Variants in FLI1 observed in about 807,000 individuals in gnomAD.
FLI1 encodes Fli-1 proto-oncogene, ETS transcription factor, also known as Friend leukemia integration 1 transcription factor.
A neutral mutation model predicts 53.1 loss-of-function variants in FLI1; 13 were observed. The observed-to-expected ratio is 0.24, with a 90% CI of 0.16 to 0.39. The LOEUF is 0.39. Among genes scored for constraint, FLI1 ranks in the 10% least tolerant of loss-of-function variants. The probability of loss-of-function intolerance (pLI) is 1.00; values close to 1 mark genes in which losing one functional copy is unlikely to be tolerated. For missense variants in FLI1, 424 were observed against 600.5 expected, an observed-to-expected ratio of 0.71 and a Z score of 3.07; for synonymous variants, 244 against 236.7, an observed-to-expected ratio of 1.03 and a Z score of -0.28.
intron 1 of FLI1, among the ~76,000 whole-genome samples, chr11:128,750,075 T>C (rs553158338): frequency 2.0e-5 from 3 of 152,234 alleles, no homozygotes; most frequent in Admixed American, 6.5e-5. Context: ...TTCGTGTCAT[T>C]ATGCAAATAA....
chr11:128,686,262 C>T (rs761015574), upstream of FLI1: 1 of 447,634 alleles, frequency 2.2e-6, no homozygotes, highest in South Asian at 1.6e-5. Context: ...CAACACGCAC[C>T]AAGAACTAGA....
intron 5 of FLI1, among the ~76,000 whole-genome samples, chr11:128,786,565 A>G (rs1942089104): frequency 6.6e-6 from 1 of 152,194 alleles, no homozygotes; most frequent in South Asian, 2.1e-4. Context: ...AGTGTGTAAG[A>G]GTCCTGGAGC....
At chr11:128,750,888 ATTC>A (rs1940615871) in intron 1 of FLI1, among the ~76,000 whole-genome samples, 2 of 152,260 alleles carry the variant, frequency 1.3e-5, no homozygotes, top group African/African-American at 4.8e-5. Context: ...TACCCACGCC[ATTC>A]TTCTGATATT....
intron 1 of FLI1, among the ~76,000 whole-genome samples, chr11:128,695,273 C>T (rs944317520): frequency 2.0e-5 from 3 of 152,252 alleles, no homozygotes; most frequent in East Asian, 1.9e-4. Flanking sequence ...TGAAAGGGTT[C>T]GCCAAGTAGG....
chr11:128,751,062 G>C (rs1210780383), intron 1 of FLI1, among the ~76,000 whole-genome samples: 7 of 152,148 alleles, frequency 4.6e-5, no homozygotes, highest in African/African-American at 1.7e-4. Flanking sequence ...TCAGAAACCA[G>C]AGACAGGCAG....
At chr11:128,687,206 T>C (rs528246878) in intron 1 of FLI1, among the ~76,000 whole-genome samples, 1 of 152,160 alleles carries the variant, frequency 6.6e-6, no homozygotes, top group East Asian at 1.9e-4. Context: ...CCACCTTCTT[T>C]GGCCCCGCCC....
At chr11:128,803,184 C>T (rs1942681232) in intron 5 of FLI1, among the ~76,000 whole-genome samples, 1 of 152,142 alleles carries the variant, frequency 6.6e-6, no homozygotes, top group Non-Finnish European at 1.5e-5. Context: ...ACTTTCTGTT[C>T]TGCTCCCACT....
intron 5 of FLI1, among the ~76,000 whole-genome samples, chr11:128,795,906 A>T (rs1410938228): frequency 6.6e-6 from 1 of 152,214 alleles, no homozygotes. Context: ...CCCTGTGAGG[A>T]TCCAGTGTGC....
At chr11:128,739,197 G>C (rs61907859) in intron 1 of FLI1, among the ~76,000 whole-genome samples, 1,657 of 152,304 alleles carry the variant, frequency 0.011, 16 homozygotes, top group South Asian at 0.038. Context: ...TCAGCTGCAG[G>C]TGTGGCCCAA....
At chr11:128,798,244 T>A (rs1007276778) in intron 5 of FLI1, among the ~76,000 whole-genome samples, 4 of 152,176 alleles carry the variant, frequency 2.6e-5, no homozygotes, top group Non-Finnish European at 5.9e-5. Context: ...ACCCAGTTAA[T>A]CTAGTCAGTA....
rs921490790 is a variant in FLI1, at chr11:128,772,680, G to A, written c.386-102G>A. 6 of 886,562 alleles carry A rather than the reference G, an allele frequency of 6.8e-6. No homozygotes were observed. In the African/African-American group the frequency reaches 9.9e-5, roughly 15 times the overall value. The allele number at this position is 886,562 out of a possible 1,614,324, so 54.9% of individuals were successfully genotyped here. On this transcript the variant is annotated intron_variant, in intron 3 of 8. Coordinates refer to ENST00000527786, the MANE Select transcript of FLI1 (RefSeq NM_002017.5). ...AAGGGAGCTCTCCCAGAGAGAAAGA[G>A]AAGGGAAAGAAAGAGGGACAAGGGG...
At chr11:128,742,174 C>T (rs1940169046) in intron 1 of FLI1, among the ~76,000 whole-genome samples, 1 of 152,186 alleles carries the variant, frequency 6.6e-6, no homozygotes, top group Admixed American at 6.5e-5. Context: ...CTGCGTTTCA[C>T]CCATTTAGCT....
intron 1 of FLI1, among the ~76,000 whole-genome samples, chr11:128,730,396 C>T (rs1449431252): frequency 2.0e-5 from 3 of 152,192 alleles, no homozygotes; most frequent in Non-Finnish European, 4.4e-5. Context: ...TCTGTGCTTA[C>T]TCAATAGGGA....
At chr11:128,795,815 G>T (rs567611181) in intron 5 of FLI1, among the ~76,000 whole-genome samples, 14 of 152,312 alleles carry the variant, frequency 9.2e-5, no homozygotes, top group African/African-American at 3.4e-4. Flanking sequence ...CTCCCAAAGT[G>T]CTGGGATTAC....
At chr11:128,779,612 C>A (rs1941847274) in intron 4 of FLI1, among the ~76,000 whole-genome samples, 2 of 152,204 alleles carry the variant, frequency 1.3e-5, no homozygotes, top group Non-Finnish European at 1.5e-5. Context: ...GAGCACATTG[C>A]ATGCATTATT....
chr11:128,750,911 T>C (rs912169403), intron 1 of FLI1, among the ~76,000 whole-genome samples: 7 of 152,250 alleles, frequency 4.6e-5, no homozygotes, highest in African/African-American at 1.7e-4. Flanking sequence ...TCACTGAGTA[T>C]GTGGTGTACG....
exon 1 of FLI1, chr11:128,686,604 A>AC (rs1161345971): frequency 2.5e-6 from 1 of 395,060 alleles, no homozygotes; most frequent in Non-Finnish European, 5.1e-6. Flanking sequence ...CTCGCGGGTA[A>AC]CCGAGGCTTC....
At chr11:128,780,579 G>A (rs950617061) in intron 4 of FLI1, among the ~76,000 whole-genome samples, 3 of 151,560 alleles carry the variant, frequency 2.0e-5, no homozygotes, top group Non-Finnish European at 2.9e-5. Flanking sequence ...TGGGCAACAA[G>A]AGCGAAACTC....
chr11:128,779,348 ACTT>A (rs373140137), intron 4 of FLI1, among the ~76,000 whole-genome samples: 1 of 152,258 alleles, frequency 6.6e-6, no homozygotes, highest in East Asian at 1.9e-4. Flanking sequence ...TCTTGGTCCT[ACTT>A]CTGGGATTTT....
Sources: gnomAD v4.1 joint callset for allele counts (sites outside exome capture counted in the v4.1 genomes callset) on GRCh38, gnomAD v4.1.1 for gene constraint, MANE v1.5 for transcripts, NCBI Gene and HGNC (gene_info 2026-07-23, HGNC 2026-07-21) for gene names.